The following PHAX variants were observed in gnomAD, a reference collection of about 807,000 sequenced individuals.
The protein encoded by PHAX is phosphorylated adaptor for RNA export.
PHAX carries 31 observed loss-of-function variants against 41.6 expected under a neutral mutation model. The observed-to-expected ratio is 0.75, with a 90% CI of 0.56 to 1.01. The LOEUF (loss-of-function observed/expected upper bound fraction) is 1.01, where lower values mean the gene tolerates loss of function less well. Ranked by LOEUF, PHAX falls within the 50% of genes least tolerant of loss-of-function variation. PHAX has a pLI of 0.00. For missense variants in PHAX, 453 were observed against 472.9 expected (o/e 0.96, Z 0.39); for synonymous variants, 175 against 164.9 (o/e 1.06, Z -0.47).
rs1359751805 is a variant in PHAX, at chr5:126,603,939, C to G, written c.466C>G (p.Leu156Val). ...ACAATCCGAGACCTACAATTATTTG[C>G]TTGCCAAGAAACTTAGGAAGGAATC... is the stretch of plus-strand genomic sequence containing the variant. Reference protein sequence around the residue: ...SRQSETYNYLLAKKLRKESQE... With the variant: ...SRQSETYNYLVAKKLRKESQE... Residue 156 changes from leucine (L) to valine (V), a missense_variant, in exon 2 of 5, where the codon CTT becomes GTT. By Grantham distance (32) the Leu-to-Val change is conservative (BLOSUM62 1). Transcript: ENST00000297540. 1 of 1,614,034 alleles carries G rather than the reference C, an allele frequency of 6.2e-7. No individual in the cohort carries two copies. The highest frequency in any genetic ancestry group is 1.7e-5 in the Admixed American group (1 of 59,980).
At chr5:126,620,694 T>C (rs929085911) in intron 4 of PHAX, among the ~76,000 whole-genome samples, 1 of 152,106 alleles carries the variant, frequency 6.6e-6, no homozygotes, top group African/African-American at 2.4e-5. Flanking sequence ...TAGAAACACT[T>C]GGAATATCTA....
chr5:126,603,691 C>T lies in PHAX; in HGVS notation c.218C>T (p.Ser73Leu). 1 of 1,614,164 alleles carries T rather than the reference C, an allele frequency of 6.2e-7. No individual in the cohort carries two copies. The highest frequency in any genetic ancestry group is 1.1e-5 in the South Asian group (1 of 91,076). The part of the protein sequence containing the change: ...VDSSEESFSD[S>L]DDDSCLWKRK... ...TCAAGTGAAGAAAGTTTTTCTGATTCAGATGATGATAGCTGTCTTTGGAAA... is the reference window on the plus strand; with the variant it reads ...TCAAGTGAAGAAAGTTTTTCTGATTTAGATGATGATAGCTGTCTTTGGAAA... Residue 73 changes from serine (S) to leucine (L), a missense_variant, in exon 2 of 5, where the codon TCA becomes TTA. By Grantham distance (145) the Ser-to-Leu change is moderately radical. Transcript: ENST00000297540.
intron 2 of PHAX, among the ~76,000 whole-genome samples, chr5:126,607,591 C>T (rs372541443): frequency 5.3e-5 from 8 of 151,600 alleles, no homozygotes; most frequent in Non-Finnish European, 1.0e-4. Context: ...TTTGTAAAGA[C>T]GGGGTTTCTC....
rs749721589 is a variant in PHAX at position 126,613,636 on chromosome 5, C to T, written c.832-3614C>T. Among the ~76,000 whole-genome samples the T allele has an allele frequency of 1.4e-4, 22 of 152,096 alleles. No individual in the cohort carries two copies. In the South Asian group the frequency reaches 1.7e-3, roughly 11 times the overall value. On this transcript the variant is annotated intron_variant, in intron 3 of 4. Coordinates refer to ENST00000297540, the MANE Select transcript of PHAX (RefSeq NM_032177.4). ...GTCGAGCTGCAGTGAGGCATGATCA[C>T]ACCACCTCACTTCAGCCTGGGTGAA...
intron 2 of PHAX, among the ~76,000 whole-genome samples, chr5:126,607,225 G>T (rs1207046355): frequency 1.3e-5 from 2 of 152,046 alleles, no homozygotes; most frequent in Non-Finnish European, 2.9e-5. Context: ...GAATTTGAGT[G>T]CTGGAAAGAA....
Position 126,622,374 on chromosome 5 carries a change from C to T in PHAX, c.916-2201C>T, listed in dbSNP as rs188745861. Reference sequence around the variant, plus strand: ...GTCTCGATCTCCTGACCTCGTGATCCGCCCGCCTCAGCCTCTCAAAGTGCT... The same window carrying T: ...GTCTCGATCTCCTGACCTCGTGATCTGCCCGCCTCAGCCTCTCAAAGTGCT... On this transcript the variant is annotated intron_variant, in intron 4 of 4. Transcript: ENST00000297540. Among the ~76,000 whole-genome samples the T allele has an allele frequency of 4.7e-3, 708 of 150,966 alleles. 4 individuals carry two copies. The highest frequency in any genetic ancestry group is 0.017 in the African/African-American group (683 of 41,112).
chr5:126,612,759 G>A (rs901978265), intron 3 of PHAX, among the ~76,000 whole-genome samples: 1 of 152,128 alleles, frequency 6.6e-6, no homozygotes, highest in Non-Finnish European at 1.5e-5. Flanking sequence ...AGACTGAACT[G>A]GGGAATAAGA....
intron 4 of PHAX, among the ~76,000 whole-genome samples, chr5:126,619,767 C>T (rs1396937309): frequency 6.6e-6 from 1 of 152,038 alleles, no homozygotes; most frequent in East Asian, 1.9e-4. Flanking sequence ...GGACATTCTT[C>T]TACAGTATGG....
rs764113131 is a variant in PHAX, at chr5:126,603,687, G to A, written c.214G>A (p.Asp72Asn). 4 of 1,614,168 alleles carry A rather than the reference G, an allele frequency of 2.5e-6. No individual in the cohort carries two copies. The highest frequency in any genetic ancestry group is 3.4e-6 in the Non-Finnish European group (4 of 1,180,028). ...GGATTCAAGTGAAGAAAGTTTTTCT[G>A]ATTCAGATGATGATAGCTGTCTTTG... Reference protein sequence around the residue: ...SVDSSEESFSDSDDDSCLWKR... With the variant: ...SVDSSEESFSNSDDDSCLWKR... Residue 72 changes from aspartate to asparagine, a missense_variant, in exon 2 of 5, where the codon GAT (aspartate) becomes AAT (asparagine). Asp to Asn is a conservative substitution (Grantham distance 23). Transcript: ENST00000297540.
At chr5:126,615,150 G>A (rs992081206) in intron 3 of PHAX, among the ~76,000 whole-genome samples, 4 of 151,614 alleles carry the variant, frequency 2.6e-5, no homozygotes, top group Non-Finnish European at 2.9e-5. Context: ...ACCTTATCAA[G>A]TATGTAGAGA....
intron 1 of PHAX, among the ~76,000 whole-genome samples, chr5:126,603,205 C>T (rs1561678124): frequency 1.3e-5 from 2 of 150,500 alleles, no homozygotes; most frequent in African/African-American, 2.5e-5. Flanking sequence ...ACTCCAGCCT[C>T]GGCCACAGAA....
intron 3 of PHAX, 27 bp downstream of exon 3, chr5:126,608,511 T>G: frequency 1.3e-6 from 2 of 1,573,716 alleles, no homozygotes; most frequent in Non-Finnish European, 1.7e-6. Context: ...GTTTTTGTTT[T>G]TGTATTGTTT....
chr5:126,602,062 C>CG (rs930325601), intron 1 of PHAX, among the ~76,000 whole-genome samples: 5 of 152,216 alleles, frequency 3.3e-5, no homozygotes, highest in Admixed American at 2.0e-4. Context: ...CCGCCCGCCT[C>CG]GGCCTCCCAA....
rs1453947821 is a variant in PHAX, at chr5:126,627,169, T to G, written c.*2325T>G. The G allele has an allele frequency of 6.6e-6, 1 of 152,190 alleles. No individual in the cohort carries two copies. The highest frequency in any genetic ancestry group is 1.9e-4 in the East Asian group (1 of 5,200). 9.4% of individuals were successfully genotyped at this position (152,190 alleles called of 1,614,324 possible). ...AGTTCTGAGAATGTGGTCATTGAAG[T>G]TGGATCTAAGAGGAAAGTGGTTATC... On this transcript the variant is annotated 3_prime_UTR_variant, in exon 5 of 5. Transcript: ENST00000297540.
intron 3 of PHAX, among the ~76,000 whole-genome samples, chr5:126,609,398 G>A (rs1752043578): frequency 6.6e-6 from 1 of 152,084 alleles, no homozygotes; most frequent in South Asian, 2.1e-4. Flanking sequence ...ACTGCACCCG[G>A]CCAAAGGGTT....
chr5:126,624,447 A>AT (rs1561684052), intron 4 of PHAX, 128 bp from the exon 5 acceptor site: 1 of 758,036 alleles, frequency 1.3e-6, no homozygotes, highest in East Asian at 2.6e-5. Context: ...ACTCCATCTT[A>AT]ATAATGAGCC....
rs139859764 is a variant in PHAX, at chr5:126,606,417, G to A, written c.711-1947G>A. ...TCGCCATGTTGGCCAGGCTGGTCTC[G>A]AACTCCAGACCACCTCAGCCTCCCA... On this transcript the variant is annotated intron_variant, in intron 2 of 4. Transcript: ENST00000297540. 4.9e-4 allele frequency among the ~76,000 whole-genome samples: 74 copies of A among 151,984 alleles called. No homozygotes were observed. In the East Asian group the frequency reaches 0.013, roughly 26 times the overall value.
At chr5:126,608,820 C>G (rs1248800846) in intron 3 of PHAX, among the ~76,000 whole-genome samples, 1 of 151,564 alleles carries the variant, frequency 6.6e-6, no homozygotes, top group African/African-American at 2.4e-5. Context: ...CCTGTAATCG[C>G]AGCTACTCAG....
At chr5:126,601,712 G>A (rs1751906776) in intron 1 of PHAX, among the ~76,000 whole-genome samples, 1 of 152,176 alleles carries the variant, frequency 6.6e-6, no homozygotes, top group South Asian at 2.1e-4. Context: ...TGTTGCCCAG[G>A]CTGGAGTGCA....
Sources: gnomAD v4.1 joint callset for allele counts (sites outside exome capture counted in the v4.1 genomes callset) on GRCh38, gnomAD v4.1.1 for gene constraint, MANE v1.5 for transcripts, NCBI Gene and HGNC (gene_info 2026-07-23, HGNC 2026-07-21) for gene names.